ATP10B: variants seen among roughly 807,000 people sequenced by gnomAD.
ATP10B encodes phospholipid-transporting ATPase VB.
Under a neutral mutation model 141.2 loss-of-function variants are expected in ATP10B, and 122 were observed. The observed-to-expected ratio is 0.86, with a 90% CI of 0.75 to 1.00. ATP10B has a LOEUF of 1.00. Among genes scored for constraint, ATP10B ranks in the 50% least tolerant of loss-of-function variants. The pLI, the probability that ATP10B is intolerant of heterozygous loss-of-function variation, is 0.00. For synonymous variants in ATP10B, 685 were observed against 692.0 expected (o/e 0.99, Z 0.16); for missense variants, 1,876 against 1,825.3 (o/e 1.03, Z -0.51).
chr5:160,570,072 G>A (rs1449318085), intron 24 of ATP10B, among the ~76,000 whole-genome samples: 1 of 151,508 alleles, frequency 6.6e-6, no homozygotes, highest in Non-Finnish European at 1.5e-5. Context: ...TTTTCCACAT[G>A]GCAGTAGTTT....
At chr5:160,857,480 G>A in the ATP10B span, among the ~76,000 whole-genome samples, 1 of 151,572 alleles carries the variant, frequency 6.6e-6, no homozygotes, top group African/African-American at 2.4e-5. Flanking sequence ...AAAAGAACCA[G>A]CTCTTTGCTT....
chr5:160,595,551 C>T (rs980309475), intron 22 of ATP10B, among the ~76,000 whole-genome samples: 6 of 152,068 alleles, frequency 3.9e-5, no homozygotes, highest in African/African-American at 1.2e-4. Flanking sequence ...CAGAGCAGAA[C>T]TGAAGGAAAG....
At chr5:160,914,484 C>T in the ATP10B span, among the ~76,000 whole-genome samples, 1 of 152,182 alleles carries the variant, frequency 6.6e-6, no homozygotes, top group South Asian at 2.1e-4. Context: ...TATAAATCGT[C>T]TCTAGATTGC....
chr5:160,798,375 G>T (rs1045194119), intron 1 of ATP10B, among the ~76,000 whole-genome samples: 6 of 152,204 alleles, frequency 3.9e-5, no homozygotes, highest in African/African-American at 1.4e-4. Context: ...AAATTATACT[G>T]GAGTAGAGTG....
intron 6 of ATP10B, among the ~76,000 whole-genome samples, chr5:160,673,955 G>A (rs1762878745): frequency 1.3e-5 from 2 of 152,138 alleles, no homozygotes; most frequent in African/African-American, 2.4e-5. Flanking sequence ...AAATATTATA[G>A]CAAAATTGTC....
rs1753665996 is a variant in ATP10B, at chr5:160,849,539, T to C, written c.-576+2402A>G. 3.9e-5 allele frequency among the ~76,000 whole-genome samples: 6 copies of C among 152,110 alleles called. No homozygotes were observed. The South Asian group carries it at 1.2e-3, about 32-fold the overall frequency. ...AAAATGCCATATCCATTAATATTCT[T>C]TCTCATCTGGTTCTCTTAGTAGTAA... On this transcript the variant is annotated intron_variant, in intron 1 of 25. Coordinates refer to ENST00000327245, the MANE Select transcript of ATP10B (RefSeq NM_025153.3).
At chr5:160,771,873 T>C (rs12516105) in intron 2 of ATP10B, among the ~76,000 whole-genome samples, 22,575 of 152,214 alleles carry the variant, frequency 0.15, 2,070 homozygotes, top group Middle Eastern at 0.19. Context: ...TTCGGTTCCA[T>C]ACTATTCTAG....
intron 3 of ATP10B, among the ~76,000 whole-genome samples, chr5:160,697,129 T>A (rs1424840535): frequency 6.6e-6 from 1 of 152,236 alleles, no homozygotes; most frequent in Non-Finnish European, 1.5e-5. Flanking sequence ...TATGTTAGTG[T>A]TTATTTACTT....
chr5:160,569,629 A>T lies in ATP10B; in HGVS notation c.3805T>A (p.Ser1269Thr). 6.2e-7 allele frequency: 1 copy of T among 1,608,632 alleles called. No individual in the cohort carries two copies. ...ACGCAGGTGGCATTGTACAGGAGGGATACCAGAAAGTACATCAGGAAGCTG... is the reference window on the plus strand; with the variant it reads ...ACGCAGGTGGCATTGTACAGGAGGGTTACCAGAAAGTACATCAGGAAGCTG... ...LGSFLMYFLV[S>T]LLYNATCVIC... Residue 1269 changes from serine to threonine, a missense_variant, in exon 25 of 26, where the codon TCC (serine) becomes ACC (threonine). Transcript: ENST00000327245.
chr5:160,598,103 C>T (rs1230342554), intron 22 of ATP10B, among the ~76,000 whole-genome samples: 1 of 146,714 alleles, frequency 6.8e-6, no homozygotes, highest in Non-Finnish European at 1.5e-5. Flanking sequence ...GTTGTTGCGG[C>T]ACTACTCACA....
At chr5:160,893,628 TTAAA>T in the ATP10B span, among the ~76,000 whole-genome samples, 3 of 152,142 alleles carry the variant, frequency 2.0e-5, no homozygotes, top group Non-Finnish European at 4.4e-5. Context: ...TTCAGAAGAC[TTAAA>T]TATTCCTGCC....
At chr5:160,732,302 T>A (rs1349846743) in intron 2 of ATP10B, among the ~76,000 whole-genome samples, 1 of 152,216 alleles carries the variant, frequency 6.6e-6, no homozygotes, top group East Asian at 1.9e-4. Context: ...AATCTGAAGA[T>A]ACAGCAATAA....
At chr5:160,607,789 G>A (rs946387729) in intron 18 of ATP10B, among the ~76,000 whole-genome samples, 2 of 152,170 alleles carry the variant, frequency 1.3e-5, no homozygotes, top group Admixed American at 6.5e-5. Context: ...TAGTGAGAAA[G>A]TATTTCCTTT....
In ATP10B at chr5:160,589,596, G is replaced by T. The variant is rs769437185; in HGVS notation, c.3746C>A (p.Thr1249Lys). ...ILLHQAMEMKTWTIFHGVVLL... is the reference protein window; with the variant it reads ...ILLHQAMEMKKWTIFHGVVLL... The stretch of plus-strand genomic sequence containing the variant: ...AAGGGGCTCTGGGACACTTACCCAT[G>T]TCTTCATTTCCATTGCCTGGTGCAA... The change falls in exon 24 of 26, where the codon ACA (threonine) becomes AAA (lysine). Residue 1249 changes from threonine (T) to lysine (K), a missense_variant. Thr to Lys is a moderately conservative substitution (Grantham distance 78). Transcript: ENST00000327245. 9 of 1,612,966 alleles carry T rather than the reference G, an allele frequency of 5.6e-6. No homozygotes were observed. In the African/African-American group the frequency reaches 1.2e-4, roughly 22 times the overall value.
At chr5:160,748,192 C>T (rs1767936695) in intron 2 of ATP10B, among the ~76,000 whole-genome samples, 1 of 152,032 alleles carries the variant, frequency 6.6e-6, no homozygotes, top group African/African-American at 2.4e-5. Context: ...ATAAGCTTGC[C>T]CAGGACTTCG....
intron 18 of ATP10B, among the ~76,000 whole-genome samples, chr5:160,611,571 A>AT (rs1757721743): frequency 6.6e-6 from 1 of 152,208 alleles, no homozygotes; most frequent in African/African-American, 2.4e-5. Flanking sequence ...AAAGTAAATG[A>AT]TTTTTCCAAT....
chr5:160,866,847 T>C, the ATP10B span, among the ~76,000 whole-genome samples: 2 of 152,002 alleles, frequency 1.3e-5, no homozygotes, highest in East Asian at 1.9e-4. Flanking sequence ...AACTTATCCA[T>C]GTGAAAATAC....
chr5:160,708,265 G>C (rs1765134899), intron 3 of ATP10B, among the ~76,000 whole-genome samples: 1 of 152,102 alleles, frequency 6.6e-6, no homozygotes, highest in Non-Finnish European at 1.5e-5. Context: ...ATTCTGATAT[G>C]TGAAATTGAG....
At chr5:160,576,642 A>T (rs1463354957) in intron 24 of ATP10B, among the ~76,000 whole-genome samples, 2 of 152,218 alleles carry the variant, frequency 1.3e-5, no homozygotes, top group Non-Finnish European at 2.9e-5. Flanking sequence ...GGCCTCTTGG[A>T]GGAGACAACA....
Sources: gnomAD v4.1 joint callset for allele counts (sites outside exome capture counted in the v4.1 genomes callset) on GRCh38, gnomAD v4.1.1 for gene constraint, MANE v1.5 for transcripts, NCBI Gene and HGNC (gene_info 2026-07-23, HGNC 2026-07-21) for gene names.